Variants in VPS13C observed in about 807,000 individuals in gnomAD.
VPS13C encodes the protein intermembrane lipid transfer protein VPS13C.
Under a neutral mutation model 456.8 loss-of-function variants are expected in VPS13C, and 358 were observed. That is an observed-to-expected ratio of 0.78 (90% CI 0.72 to 0.86). VPS13C has a LOEUF of 0.86. Ranked by LOEUF, VPS13C falls within the 40% of genes least tolerant of loss-of-function variation. The probability of loss-of-function intolerance (pLI) is 0.00; values close to 1 mark genes in which losing one functional copy is unlikely to be tolerated. For missense variants in VPS13C, 4,818 were observed against 4,385.4 expected, an observed-to-expected ratio of 1.10 and a Z score of -2.79; for synonymous variants, 1,578 against 1,486.7, an observed-to-expected ratio of 1.06 and a Z score of -1.41.
chr15:61,922,627 T>A lies in VPS13C; in HGVS notation c.6745A>T (p.Thr2249Ser). The change falls in exon 54 of 85, where the codon ACT becomes TCT. Residue 2249 changes from threonine (T) to serine (S), a missense_variant. Thr to Ser is a moderately conservative substitution (Grantham distance 58). Around this residue, in one of 3 missense-constraint regions of VPS13C, gnomAD observed 4,552 missense variants for 4,130.6 expected, o/e 1.10. Coordinates refer to ENST00000644861, the MANE Select transcript of VPS13C (RefSeq NM_020821.3). ...WGIKSINDYN[T>S]WFLGVDTATE... Reference sequence around the variant, plus strand: ...GCCGTGTCAACACCAAGAAACCAAGTGTTATAATCATTAATCGATTTGATA... The same window carrying A: ...GCCGTGTCAACACCAAGAAACCAAGAGTTATAATCATTAATCGATTTGATA... 6.2e-7 allele frequency: 1 copy of A among 1,614,068 alleles called. No homozygotes were observed. The highest frequency in any genetic ancestry group is 1.1e-5 in the South Asian group (1 of 91,076).
Position 61,961,740 on chromosome 15 carries a change from G to A in VPS13C, c.3757C>T (p.Pro1253Ser). Residue 1253 changes from proline to serine, a missense_variant, in exon 35 of 85, where the codon CCA (proline) becomes TCA (serine). Physicochemically the swap from Pro to Ser is moderately conservative, Grantham distance 74 (BLOSUM62 -1). Coordinates refer to ENST00000644861, the MANE Select transcript of VPS13C (RefSeq NM_020821.3). ...IDLKAPVIVI[P>S]QSSISTNAVV... Reference sequence around the variant, plus strand: ...GCATTGGTGGAAATAGAAGACTGTGGGATGACTATAACCGGTGCTTTCAAA... The same window carrying A: ...GCATTGGTGGAAATAGAAGACTGTGAGATGACTATAACCGGTGCTTTCAAA... The A allele has an allele frequency of 6.2e-7, 1 of 1,613,896 alleles. No homozygotes were observed. The highest frequency in any genetic ancestry group is 8.5e-7 in the Non-Finnish European group (1 of 1,179,940).
At chr15:61,981,886 T>TAA (rs539451724) in intron 21 of VPS13C, among the ~76,000 whole-genome samples, 4 of 145,822 alleles carry the variant, frequency 2.7e-5, no homozygotes, top group Non-Finnish European at 4.6e-5. Context: ...AAATAAAAAA[T>TAA]AAAAAAAAAA....
intron 63 of VPS13C, 48 bp from the exon 64 acceptor site, chr15:61,910,353 A>G (rs758323661): frequency 1.5e-6 from 2 of 1,317,226 alleles, no homozygotes; most frequent in South Asian, 2.2e-5. Flanking sequence ...ACCGTTATAT[A>G]ATAAATAAGA....
chr15:61,942,633 TATA>T (rs142908850), intron 45 of VPS13C, among the ~76,000 whole-genome samples: 4,773 of 151,842 alleles, frequency 0.031, 147 homozygotes, highest in South Asian at 0.074. Context: ...AAAATTTATT[TATA>T]ATAAGATGTA....
intron 8 of VPS13C, among the ~76,000 whole-genome samples, chr15:62,022,983 T>C (rs979329264): frequency 1.3e-5 from 2 of 151,916 alleles, no homozygotes; most frequent in Non-Finnish European, 2.9e-5. Context: ...AACTCAGTGG[T>C]ATGTAAAGAG....
intron 18 of VPS13C, 125 bp from the exon 19 acceptor site, chr15:61,985,124 C>T (rs1454206646): frequency 9.0e-6 from 6 of 668,120 alleles, no homozygotes. Context: ...CAGGTTCTGG[C>T]ATCCACATGC....
intron 77 of VPS13C, 101 bp from the exon 78 acceptor site, chr15:61,873,510 T>A (rs1391894983): frequency 1.3e-5 from 15 of 1,167,000 alleles, no homozygotes; most frequent in Non-Finnish European, 1.7e-5. Flanking sequence ...AGGCAAACGA[T>A]CTGAATAAAT....
chr15:61,999,570 T>C (rs936141061), intron 16 of VPS13C, among the ~76,000 whole-genome samples: 1 of 152,124 alleles, frequency 6.6e-6, no homozygotes, highest in African/African-American at 2.4e-5. Context: ...TACAGAAAGG[T>C]ATTAACAGTA....
chr15:62,000,609 T>C lies in VPS13C; in HGVS notation c.1308A>G (p.Leu436=), dbSNP rs1474029302. ...QKEIQDLEKT[L]DVFNIILARQ... ...TTGCTAAAATTATGTTAAAAACATC[T>C]AGAGTCTTCTCCAAGTCCTGTAAAA... is the stretch of plus-strand genomic sequence containing the variant. The change falls in exon 16 of 85, where the codon CTA becomes CTG. Residue 436 remains leucine (L), a synonymous_variant. Transcript: ENST00000644861. The C allele has an allele frequency of 3.7e-6, 6 of 1,606,792 alleles. No homozygotes were observed. Among genetic ancestry groups the C allele is most frequent in the Middle Eastern group, 3.3e-4 (2 of 6,042 alleles).
intron 36 of VPS13C, 29 bp from the exon 37 acceptor site, chr15:61,958,745 T>G (rs1198426193): frequency 5.2e-6 from 6 of 1,163,912 alleles, no homozygotes; most frequent in Non-Finnish European, 7.2e-6. Flanking sequence ...AAAAAAAAAC[T>G]ATATTACGTT....
At chr15:61,995,485 T>C (rs1259418090) in intron 16 of VPS13C, among the ~76,000 whole-genome samples, 10 of 152,212 alleles carry the variant, frequency 6.6e-5, no homozygotes, top group Non-Finnish European at 2.9e-5. Context: ...TAATAAAATA[T>C]ACTTGATTCT....
chr15:61,990,934 T>C lies in VPS13C; in HGVS notation c.1578+66A>G. 5.6e-6 allele frequency: 6 copies of C among 1,066,230 alleles called. No homozygotes were observed. In the South Asian group the frequency reaches 8.2e-5, roughly 15 times the overall value. 66.0% of individuals were successfully genotyped at this position (1,066,230 alleles called of 1,614,324 possible). On this transcript the variant is annotated intron_variant, in intron 18 of 84. Coordinates refer to ENST00000644861, the MANE Select transcript of VPS13C (RefSeq NM_020821.3). The stretch of plus-strand genomic sequence containing the variant: ...TATATTACTTAAAAAAATCAGTAAG[T>C]CTAATCCAATTCAATCTAATATAGT...
chr15:61,971,247 C>T lies in VPS13C; in HGVS notation c.2757+1378G>A, dbSNP rs77578461. Among the ~76,000 whole-genome samples, 968 of 152,058 alleles carry T rather than the reference C, an allele frequency of 6.4e-3. 7 individuals carry two copies. The highest frequency in any genetic ancestry group is 0.01 in the Non-Finnish European group (683 of 67,944). ...AGAGTAGTAACATGATCTGACATTC[C>T]CTTTTATTTTTATTTTACTTTATTT... is the stretch of plus-strand genomic sequence containing the variant. On this transcript the variant is annotated intron_variant, in intron 27 of 84. Transcript: ENST00000644861.
chr15:61,951,073 C>T lies in VPS13C; in HGVS notation c.4457-49G>A, dbSNP rs2044774368. On this transcript the variant is annotated intron_variant, in intron 39 of 84. Coordinates refer to ENST00000644861, the MANE Select transcript of VPS13C (RefSeq NM_020821.3). ...TGATCCATCAATTAAACATTTCACA[C>T]ATTTTAAAACAGGACCAGCCAAATG... is the stretch of plus-strand genomic sequence containing the variant. The T allele has an allele frequency of 2.4e-6, 3 of 1,254,892 alleles. No homozygotes were observed. In the East Asian group the frequency reaches 7.1e-5, roughly 30 times the overall value. 77.7% of individuals were successfully genotyped at this position (1,254,892 alleles called of 1,614,324 possible).
intron 38 of VPS13C, among the ~76,000 whole-genome samples, chr15:61,954,145 C>T (rs2044901255): frequency 1.3e-5 from 2 of 152,076 alleles, no homozygotes; most frequent in African/African-American, 4.8e-5. Context: ...TTGTCCTTTC[C>T]TGCATTTCTT....
At chr15:61,874,739 G>A in intron 77 of VPS13C, 137 bp downstream of exon 77, 1 of 703,648 alleles carries the variant, frequency 1.4e-6, no homozygotes, top group Non-Finnish European at 2.1e-6. Context: ...AAAAACATGG[G>A]AAACATGTCT....
Position 61,877,026 on chromosome 15 carries a change from A to G in VPS13C, c.10171T>C (p.Phe3391Leu). Reference protein sequence around the residue: ...KLAYYEIRYQFYKRDQLIWSV... With the variant: ...KLAYYEIRYQLYKRDQLIWSV... ...CATATAAGCTGATCTCTCTTGTAGA[A>G]CTGATATCGAATTTCATAATAAGCA... The change falls in exon 75 of 85, where the codon TTC (phenylalanine) becomes CTC (leucine). Residue 3391 changes from phenylalanine (F) to leucine (L), a missense_variant. Phe to Leu is a conservative substitution (Grantham distance 22). This residue lies in a region of VPS13C where 4,552 missense variants were observed against 4,130.6 expected (regional missense o/e 1.10). Transcript: ENST00000644861. The G allele has an allele frequency of 6.2e-7, 1 of 1,609,592 alleles. No homozygotes were observed. Among genetic ancestry groups the G allele is most frequent in the Non-Finnish European group, 8.5e-7 (1 of 1,177,494 alleles).
At chr15:61,904,504 C>T (rs2043098630) in intron 66 of VPS13C, among the ~76,000 whole-genome samples, 1 of 150,826 alleles carries the variant, frequency 6.6e-6, no homozygotes. Context: ...GACAGAGATG[C>T]TGGCATGGAA....
chr15:61,869,754 G>C, intron 79 of VPS13C, 131 bp from the exon 80 acceptor site: 2 of 1,453,216 alleles, frequency 1.4e-6, no homozygotes, highest in Non-Finnish European at 1.8e-6. Flanking sequence ...TTCTAAAGAA[G>C]TTAAATGTAA....
Sources: allele counts gnomAD v4.1 joint callset (sites outside exome capture counted in the v4.1 genomes callset), GRCh38; gene constraint gnomAD v4.1.1; regional missense constraint gnomAD v4.1.1; transcripts MANE v1.5; gene names NCBI Gene and HGNC (gene_info 2026-07-23, HGNC 2026-07-21).